Variants in ANKRD36C observed in about 807,000 individuals in gnomAD.
ANKRD36C encodes the protein ankyrin repeat domain-containing protein 36C.
A neutral mutation model predicts 276.4 loss-of-function variants in ANKRD36C; 61 were observed. That is an observed-to-expected ratio of 0.22 (90% CI 0.18 to 0.27). The LOEUF is 0.27. Ranked by LOEUF, ANKRD36C falls within the 10% of genes least tolerant of loss-of-function variation. ANKRD36C has a pLI of 1.00. For synonymous variants in ANKRD36C, 483 were observed against 680.1 expected, an observed-to-expected ratio of 0.71 and a Z score of 4.51; for missense variants, 1,447 against 2,032.3, an observed-to-expected ratio of 0.71 and a Z score of 5.54.
chr2:95,939,297 C>A (rs62154565), intron 20 of ANKRD36C, among the ~76,000 whole-genome samples: 3 of 152,360 alleles, frequency 2.0e-5, no homozygotes, highest in Middle Eastern at 3.4e-3. Context: ...GTATTTCTAC[C>A]AATGTGAATC....
At chr2:95,959,736 A>T (rs1678411801) in intron 10 of ANKRD36C, among the ~76,000 whole-genome samples, 2 of 152,226 alleles carry the variant, frequency 1.3e-5, no homozygotes, top group Admixed American at 1.3e-4. Context: ...AAGCCAATGT[A>T]TGCATATTTA....
chr2:95,953,279 C>G (rs370434156), intron 14 of ANKRD36C, among the ~76,000 whole-genome samples: 1 of 151,926 alleles, frequency 6.6e-6, no homozygotes. Context: ...TATTGCCAAG[C>G]TTGGTCTTAA....
At chr2:95,852,135 T>C in exon 65 of ANKRD36C, 1 of 1,608,372 alleles carries the variant, frequency 6.2e-7, no homozygotes, top group Non-Finnish European at 8.5e-7. Flanking sequence ...CTTTTGTGCG[T>C]CGCCTTCCAT....
intron 2 of ANKRD36C, 78 bp from the exon 3 acceptor site, chr2:95,987,002 A>G (rs1679041048): frequency 9.4e-6 from 15 of 1,591,352 alleles, no homozygotes; most frequent in Non-Finnish European, 1.3e-5. Context: ...TACTAGTTAT[A>G]TGGTGGTATT....
intron 5 of ANKRD36C, among the ~76,000 whole-genome samples, chr2:95,979,067 A>G (rs1678866336): frequency 6.6e-6 from 1 of 152,008 alleles, no homozygotes; most frequent in African/African-American, 2.4e-5. Flanking sequence ...CATGAAGTAG[A>G]TGCAAGTTGA....
At chr2:95,854,424 C>T (rs1488811699) in intron 63 of ANKRD36C, among the ~76,000 whole-genome samples, 2 of 152,024 alleles carry the variant, frequency 1.3e-5, no homozygotes, top group East Asian at 3.9e-4. Context: ...AATCCTGCCA[C>T]TCCTCGTTAG....
At chr2:95,918,249 T>A (rs1388081683) in intron 34 of ANKRD36C, among the ~76,000 whole-genome samples, 1 of 151,586 alleles carries the variant, frequency 6.6e-6, no homozygotes, top group Non-Finnish European at 1.5e-5. Context: ...TCCTTACAAT[T>A]TCAAACACGG....
intron 42 of ANKRD36C, among the ~76,000 whole-genome samples, chr2:95,911,081 T>A (rs1166661398): frequency 6.6e-6 from 1 of 151,656 alleles, no homozygotes; most frequent in Non-Finnish European, 1.5e-5. Flanking sequence ...TCAGTGGAAG[T>A]GTCCTAAATT....
At chr2:95,911,784 C>T (rs1013016678) in intron 42 of ANKRD36C, among the ~76,000 whole-genome samples, 2 of 151,464 alleles carry the variant, frequency 1.3e-5, no homozygotes, top group Admixed American at 6.6e-5. Flanking sequence ...TCCTGCCTCA[C>T]AATCCGTCTT....
chr2:95,875,729 T>G (rs1446496766), intron 59 of ANKRD36C, among the ~76,000 whole-genome samples: 2 of 152,150 alleles, frequency 1.3e-5, no homozygotes, highest in Non-Finnish European at 2.9e-5. Context: ...TTAATGCAAA[T>G]TAAACATTGT....
At position 95,910,359 on chromosome 2, in the gene ANKRD36C, G is replaced by A; in HGVS notation, c.2653+1885C>T. 1 of 1,532,312 alleles carries A rather than the reference G, an allele frequency of 6.5e-7. No individual in the cohort carries two copies. The highest frequency in any genetic ancestry group is 8.8e-7 in the Non-Finnish European group (1 of 1,139,720). 94.9% of individuals were successfully genotyped at this position (1,532,312 alleles called of 1,614,324 possible). On this transcript the variant is annotated intron_variant, in intron 42 of 66. Coordinates refer to ENST00000456556, the Ensembl canonical transcript of ANKRD36C. ...CTGGACAGAACACGACATTAAATCTGTTTTCAAAATTACCTGTCCTAGATT... is the reference window on the plus strand; with the variant it reads ...CTGGACAGAACACGACATTAAATCTATTTTCAAAATTACCTGTCCTAGATT...
At chr2:95,911,150 C>A (rs1256351618) in intron 42 of ANKRD36C, among the ~76,000 whole-genome samples, 2 of 151,418 alleles carry the variant, frequency 1.3e-5, no homozygotes, top group Non-Finnish European at 1.5e-5. Flanking sequence ...ATCTCTCACA[C>A]CCATGTGGTG....
intron 1 of ANKRD36C, among the ~76,000 whole-genome samples, chr2:95,990,118 T>G (rs913083475): frequency 2.6e-5 from 4 of 152,190 alleles, no homozygotes; most frequent in African/African-American, 9.6e-5. Context: ...TCAATATAAG[T>G]AGGCATTTGT....
Position 95,923,480 on chromosome 2 carries a change from G to A in ANKRD36C, c.2143+15C>T, listed in dbSNP as rs767385499. Reference sequence around the variant, plus strand: ...CTGGACTGAACATGACATTTAATGTGTTTTGCAAAATTACCTGTCCCACAT... The same window carrying A: ...CTGGACTGAACATGACATTTAATGTATTTTGCAAAATTACCTGTCCCACAT... On this transcript the variant is annotated intron_variant, in intron 32 of 66. Coordinates refer to ENST00000456556, the Ensembl canonical transcript of ANKRD36C. 3.7e-6 allele frequency: 6 copies of A among 1,609,752 alleles called. No individual in the cohort carries two copies. Among genetic ancestry groups the A allele is most frequent in the Non-Finnish European group, 5.1e-6 (6 of 1,177,482 alleles).
chr2:95,936,874 G>A (rs1199030326), intron 22 of ANKRD36C, among the ~76,000 whole-genome samples: 1 of 152,310 alleles, frequency 6.6e-6, no homozygotes, highest in Admixed American at 6.5e-5. Context: ...GGACTAACTT[G>A]TACAAATTCC....
At chr2:95,913,914 T>C (rs1677009709) in intron 40 of ANKRD36C, among the ~76,000 whole-genome samples, 194 bp downstream of exon 42, 1 of 151,522 alleles carries the variant, frequency 6.6e-6, no homozygotes, top group African/African-American at 2.4e-5. Context: ...TGGGGAAATG[T>C]ATAATCTTAC....
intron 38 of ANKRD36C, among the ~76,000 whole-genome samples, chr2:95,915,084 T>A (rs199874851): frequency 1.3e-4 from 20 of 151,590 alleles, no homozygotes; most frequent in Middle Eastern, 3.2e-3. Context: ...TCAGAAATCA[T>A]TCCAGTATTC....
chr2:95,986,284 A>C (rs1171714710), intron 3 of ANKRD36C, among the ~76,000 whole-genome samples: 1 of 152,088 alleles, frequency 6.6e-6, no homozygotes, highest in Non-Finnish European at 1.5e-5. Flanking sequence ...CCACAGAGGA[A>C]TCACTTTCAG....
At chr2:95,912,571 TG>T in intron 40 of ANKRD36C, 136 bp from the exon 43 acceptor site, 1 of 1,521,684 alleles carries the variant, frequency 6.6e-7, no homozygotes. Flanking sequence ...ATTTTGTGTC[TG>T]GGGACCAGAA....
Sources: allele counts gnomAD v4.1 joint callset (sites outside exome capture counted in the v4.1 genomes callset), GRCh38; gene constraint gnomAD v4.1.1; transcripts MANE v1.5; gene names NCBI Gene and HGNC (gene_info 2026-07-23, HGNC 2026-07-21).